TFEC: variants seen among roughly 807,000 people sequenced by gnomAD.
The protein encoded by TFEC is class E basic helix-loop-helix protein 34.
In TFEC, 31 loss-of-function variants were observed where a neutral mutation model predicts 41.6. The observed-to-expected ratio is 0.74, with a 90% CI of 0.56 to 1.01. TFEC has a LOEUF of 1.01. Ranked by LOEUF, TFEC falls within the 50% of genes least tolerant of loss-of-function variation. The pLI, the probability that TFEC is intolerant of heterozygous loss-of-function variation, is 0.00. For missense variants in TFEC, 402 were observed against 404.1 expected, an observed-to-expected ratio of 0.99 and a Z score of 0.04; for synonymous variants, 143 against 140.6, an observed-to-expected ratio of 1.02 and a Z score of -0.12.
intron 3 of TFEC, among the ~76,000 whole-genome samples, chr7:116,043,856 G>A (rs1469820511): frequency 6.6e-6 from 1 of 152,100 alleles, no homozygotes; most frequent in Non-Finnish European, 1.5e-5. Flanking sequence ...TGATCCAAAT[G>A]CTATTGAGCT....
At chr7:116,108,532 T>C (rs919167211) in intron 3 of TFEC, among the ~76,000 whole-genome samples, 1 of 152,130 alleles carries the variant, frequency 6.6e-6, no homozygotes, top group Non-Finnish European at 1.5e-5. Flanking sequence ...TGTAGCTCAA[T>C]AACTTGATCA....
intron 3 of TFEC, among the ~76,000 whole-genome samples, chr7:115,966,690 G>A (rs1382753266): frequency 6.6e-6 from 1 of 151,696 alleles, no homozygotes; most frequent in African/African-American, 2.4e-5. Context: ...GAAGGGCCTT[G>A]CCTTTAAAAC....
rs532702887 is a variant in TFEC, at chr7:116,071,730, T to C, written c.198+38978A>G. Among the ~76,000 whole-genome samples, 6 of 151,490 alleles carry C rather than the reference T, an allele frequency of 4.0e-5. No individual in the cohort carries two copies. In the East Asian group the frequency reaches 1.2e-3, roughly 29 times the overall value. ...AATTGTATTTTAAGTAATTCTCTTA[T>C]GAATGCTCACAACTTCCTGTTCTGA... On this transcript the variant is annotated intron_variant, in intron 3 of 8. Coordinates refer to the TFEC transcript ENST00000484212.
Position 116,024,900 on chromosome 7 carries a change from T to G in TFEC, c.-73+5733A>C, listed in dbSNP as rs77353486. On this transcript the variant is annotated intron_variant, in intron 1 of 7. Transcript: ENST00000265440. ...CATATTCCAGAATATCTTTGCTTGC[T>G]CTTTTGTTGTTGTTGTTGTTGCTGC... 4.6e-3 allele frequency among the ~76,000 whole-genome samples: 693 copies of G among 152,256 alleles called. 25 individuals are homozygous for G. The East Asian group carries it at 0.089, about 20-fold the overall frequency.
At chr7:115,989,563 A>G (rs1031466461) in intron 1 of TFEC, among the ~76,000 whole-genome samples, 12 of 151,824 alleles carry the variant, frequency 7.9e-5, no homozygotes, top group African/African-American at 2.9e-4. Flanking sequence ...GCGCTTTTCC[A>G]GAGGAGATTA....
At chr7:116,064,869 G>A (rs1047202017) in intron 3 of TFEC, among the ~76,000 whole-genome samples, 2 of 152,118 alleles carry the variant, frequency 1.3e-5, no homozygotes, top group Non-Finnish European at 2.9e-5. Flanking sequence ...AATAAGATGA[G>A]AACTGAAATG....
intron 1 of TFEC, among the ~76,000 whole-genome samples, chr7:116,018,336 G>C (rs1795270519): frequency 1.3e-5 from 2 of 152,182 alleles, no homozygotes; most frequent in African/African-American, 4.8e-5. Context: ...ATCATAATCA[G>C]AAAGAGAAAT....
At position 115,938,570 on chromosome 7, in the gene TFEC, G is replaced by A. The variant is rs187286089; in HGVS notation, c.*1981C>T. 180 of 151,830 alleles carry A rather than the reference G, an allele frequency of 1.2e-3. No individual in the cohort carries two copies. In the Middle Eastern group the frequency reaches 0.014, roughly 11 times the overall value. 9.4% of individuals were successfully genotyped at this position (151,830 alleles called of 1,614,324 possible). A position where few individuals can be genotyped will look rare whatever the true frequency, so the allele number is the denominator to read the frequency against. On this transcript the variant is annotated 3_prime_UTR_variant, in exon 8 of 8. Coordinates refer to ENST00000265440, the MANE Select transcript of TFEC (RefSeq NM_012252.4). ...ATTATTTTAATTCTCCAAATTCTGA[G>A]CAAATGATACAAGCTAAGCCTGAGA...
At chr7:116,089,360 A>G (rs1428877140) in intron 3 of TFEC, among the ~76,000 whole-genome samples, 7 of 152,016 alleles carry the variant, frequency 4.6e-5, no homozygotes, top group Non-Finnish European at 1.0e-4. Context: ...TGGAAGAATG[A>G]CAAAATTGGA....
At chr7:116,106,744 AT>A (rs1278206261) in intron 3 of TFEC, among the ~76,000 whole-genome samples, 1 of 152,172 alleles carries the variant, frequency 6.6e-6, no homozygotes, top group Non-Finnish European at 1.5e-5. Flanking sequence ...GACAAAAAAA[AT>A]CTCAGCTTTT....
chr7:116,034,687 T>TACACACAC (rs58308740), upstream of TFEC, among the ~76,000 whole-genome samples: 73 of 148,364 alleles, frequency 4.9e-4, no homozygotes, highest in East Asian at 4.6e-3. Flanking sequence ...CAGGCATGCA[T>TACACACAC]ACACACACAC....
At chr7:116,062,590 T>C (rs1465718255) in intron 3 of TFEC, among the ~76,000 whole-genome samples, 1 of 143,926 alleles carries the variant, frequency 6.9e-6, no homozygotes, top group African/African-American at 2.6e-5. Context: ...TATATATATA[T>C]ATATATATAT....
intron 1 of TFEC, among the ~76,000 whole-genome samples, chr7:116,022,835 A>G (rs1415585591): frequency 6.6e-6 from 1 of 152,212 alleles, no homozygotes; most frequent in African/African-American, 2.4e-5. Flanking sequence ...CATTCTATAC[A>G]GGCATTGAAC....
At chr7:116,015,112 A>G (rs1795140773) in intron 1 of TFEC, among the ~76,000 whole-genome samples, 1 of 149,394 alleles carries the variant, frequency 6.7e-6, no homozygotes, top group Admixed American at 6.7e-5. Context: ...TTTATAATAT[A>G]ATTATAAATT....
chr7:116,140,635 C>T (rs1490184677), intron 1 of TFEC, among the ~76,000 whole-genome samples: 4 of 152,210 alleles, frequency 2.6e-5, no homozygotes, highest in African/African-American at 4.8e-5. Flanking sequence ...CCAATAACTA[C>T]TTTAGATGTA....
At chr7:116,020,431 T>C (rs1795350740) in intron 1 of TFEC, among the ~76,000 whole-genome samples, 1 of 152,144 alleles carries the variant, frequency 6.6e-6, no homozygotes, top group Non-Finnish European at 1.5e-5. Flanking sequence ...TTAATAATGA[T>C]TCTATAATGT....
intron 1 of TFEC, among the ~76,000 whole-genome samples, chr7:116,140,904 T>G (rs561127097): frequency 1.3e-5 from 2 of 152,340 alleles, no homozygotes; most frequent in African/African-American, 4.8e-5. Flanking sequence ...GAATTTGCAA[T>G]CTAGCAATCT....
intron 4 of TFEC, among the ~76,000 whole-genome samples, chr7:115,955,937 A>G (rs939178176): frequency 6.6e-6 from 1 of 151,994 alleles, no homozygotes; most frequent in Non-Finnish European, 1.5e-5. Flanking sequence ...TTGAGCTCCA[A>G]ACCAAAAGTT....
chr7:115,938,363 C>T lies in TFEC; in HGVS notation c.*2188G>A, dbSNP rs1793330552. ...AATTTTTAACATTTAATCAAATTAT[C>T]AACTCAGATAATGAAGTGGAATTTT... is the stretch of plus-strand genomic sequence containing the variant. On this transcript the variant is annotated 3_prime_UTR_variant, in exon 8 of 8. Transcript: ENST00000265440. 1 of 151,836 alleles carries T rather than the reference C, an allele frequency of 6.6e-6. No homozygotes were observed. Among genetic ancestry groups the T allele is most frequent in the African/African-American group, 2.4e-5 (1 of 41,370 alleles). 9.4% of individuals were successfully genotyped at this position (151,836 alleles called of 1,614,324 possible). A position where few individuals can be genotyped will look rare whatever the true frequency, so the allele number is the denominator to read the frequency against.
Sources: gnomAD v4.1 joint callset for allele counts (sites outside exome capture counted in the v4.1 genomes callset) on GRCh38, gnomAD v4.1.1 for gene constraint, MANE v1.5 for transcripts, NCBI Gene and HGNC (gene_info 2026-07-23, HGNC 2026-07-21) for gene names.